SKA2: variants seen among roughly 807,000 people sequenced by gnomAD.
SKA2 encodes the protein spindle and kinetochore-associated protein 2.
A neutral mutation model predicts 16.9 loss-of-function variants in SKA2; 13 were observed. The observed-to-expected ratio is 0.77, with a 90% CI of 0.50 to 1.22. The LOEUF is 1.22. Among genes scored for constraint, SKA2 ranks in the 50% most tolerant of loss-of-function variants. The pLI, the probability that SKA2 is intolerant of heterozygous loss-of-function variation, is 0.00. For missense variants in SKA2, 107 were observed against 139.7 expected, an observed-to-expected ratio of 0.77 and a Z score of 1.18; for synonymous variants, 47 against 48.5, an observed-to-expected ratio of 0.97 and a Z score of 0.13.
At chr17:59,147,709 C>A (rs902322330) in intron 1 of SKA2, among the ~76,000 whole-genome samples, 2 of 150,792 alleles carry the variant, frequency 1.3e-5, no homozygotes, top group Admixed American at 1.3e-4. Flanking sequence ...AGTGATCCTC[C>A]TGCCTCAGCC....
intron 1 of SKA2, 108 bp from the exon 2 acceptor site, chr17:59,131,475 C>G (rs1347957076): frequency 1.7e-6 from 1 of 578,218 alleles, no homozygotes; most frequent in African/African-American, 1.9e-5. Context: ...ATAAGTGATA[C>G]ATACTCATTT....
intron 2 of SKA2, among the ~76,000 whole-genome samples, chr17:59,123,560 A>G (rs76373342): frequency 7.1e-6 from 1 of 139,930 alleles, no homozygotes; most frequent in African/African-American, 2.6e-5. Context: ...CTGTCTCAGG[A>G]AAAAAAAAAA....
intron 1 of SKA2, among the ~76,000 whole-genome samples, chr17:59,145,366 T>C (rs559748869): frequency 6.6e-6 from 1 of 152,272 alleles, no homozygotes; most frequent in Non-Finnish European, 1.5e-5. Flanking sequence ...CCTTGCAGTT[T>C]CCCCCAGTTG....
At chr17:59,115,859 A>C (rs1460758010) in intron 3 of SKA2, among the ~76,000 whole-genome samples, 1 of 152,220 alleles carries the variant, frequency 6.6e-6, no homozygotes, top group Non-Finnish European at 1.5e-5. Context: ...AATTAAAGTC[A>C]AGTTAACCAG....
intron 1 of SKA2, chr17:59,137,788 C>T (rs377123764): frequency 7.5e-6 from 4 of 531,104 alleles, no homozygotes; most frequent in Non-Finnish European, 1.5e-5. Flanking sequence ...AACACCAAAA[C>T]CCTATAAGCA....
rs762243020 is a variant in SKA2, at chr17:59,119,386, C to T, written c.230G>A (p.Arg77His). 12 of 1,613,988 alleles carry T rather than the reference C, an allele frequency of 7.4e-6. No individual in the cohort carries two copies. Among genetic ancestry groups the T allele is most frequent in the African/African-American group, 1.3e-5 (1 of 75,054 alleles). ...AGTCTTTTTCACAGTAGCACAAATGCGGCTCTTACTCTCTTTCTGCTCAAC... is the reference window on the plus strand; with the variant it reads ...AGTCTTTTTCACAGTAGCACAAATGTGGCTCTTACTCTCTTTCTGCTCAAC... ...VAVEQKESKS[R>H]ICATVKKTMN... Residue 77 changes from arginine to histidine, a missense_variant, in exon 3 of 4, where the codon CGC becomes CAC. By Grantham distance (29) the Arg-to-His change is conservative. Transcript: ENST00000330137.
At position 59,123,434 on chromosome 17, in the gene SKA2, G is replaced by A. The variant is rs182625739; in HGVS notation, c.121-3939C>T. Among the ~76,000 whole-genome samples, 32 of 151,772 alleles carry A rather than the reference G, an allele frequency of 2.1e-4. No individual in the cohort carries two copies. In the East Asian group the frequency reaches 5.1e-3, roughly 24 times the overall value. ...TAGCTGGGCAGGGTGGCATGTGCCT[G>A]TAATCCCAGCTACTCAGGAGGCTGA... On this transcript the variant is annotated intron_variant, in intron 2 of 3. Transcript: ENST00000330137.
intron 1 of SKA2, among the ~76,000 whole-genome samples, chr17:59,153,324 G>GT (rs963606173): frequency 6.6e-6 from 1 of 151,744 alleles, no homozygotes; most frequent in Non-Finnish European, 1.5e-5. Context: ...TTAACATTTT[G>GT]TTTTTTTTAA....
At chr17:59,128,411 C>T (rs894569538) in intron 2 of SKA2, among the ~76,000 whole-genome samples, 1 of 150,698 alleles carries the variant, frequency 6.6e-6, no homozygotes. Flanking sequence ...GATCACCTGA[C>T]GTCAGGAGTT....
At position 59,121,381 on chromosome 17, in the gene SKA2, G is replaced by A. The variant is rs139223433; in HGVS notation, c.121-1886C>T. 9.2e-5 allele frequency among the ~76,000 whole-genome samples: 14 copies of A among 152,214 alleles called. No homozygotes were observed. The East Asian group carries it at 1.5e-3, about 17-fold the overall frequency. The stretch of plus-strand genomic sequence containing the variant: ...TAAAGAAATCCCAGAAATGCCGGGC[G>A]CAGTGGCTCATGACTGTAATCTCAA... On this transcript the variant is annotated intron_variant, in intron 2 of 3. Transcript: ENST00000330137.
At chr17:59,154,735 G>A (rs528256827) in intron 1 of SKA2, among the ~76,000 whole-genome samples, 1 of 151,858 alleles carries the variant, frequency 6.6e-6, no homozygotes, top group Non-Finnish European at 1.5e-5. Context: ...CCCACCCTCC[G>A]TTCCCCTTTC....
At chr17:59,126,844 C>A (rs988988085) in intron 2 of SKA2, among the ~76,000 whole-genome samples, 3 of 152,036 alleles carry the variant, frequency 2.0e-5, no homozygotes, top group Admixed American at 6.6e-5. Context: ...TTCACAGTAG[C>A]CAAAAGGTGA....
intron 3 of SKA2, chr17:59,118,396 C>T (rs1599658630): frequency 6.6e-6 from 1 of 152,224 alleles, no homozygotes; most frequent in Non-Finnish European, 1.5e-5. Context: ...CCATTTTTCC[C>T]TTTGCCCTCT....
intron 2 of SKA2, among the ~76,000 whole-genome samples, chr17:59,124,852 T>A (rs937260174): frequency 2.0e-5 from 3 of 152,204 alleles, no homozygotes; most frequent in African/African-American, 7.2e-5. Context: ...TGATTTGCAT[T>A]TATGGCCTGT....
intron 1 of SKA2, among the ~76,000 whole-genome samples, chr17:59,150,493 C>CT (rs1163693824): frequency 6.6e-6 from 1 of 152,116 alleles, no homozygotes; most frequent in Non-Finnish European, 1.5e-5. Flanking sequence ...TCCCAGCACT[C>CT]TGGGAGGCCA....
chr17:59,154,156 A>C, intron 1 of SKA2, among the ~76,000 whole-genome samples: 1 of 150,052 alleles, frequency 6.7e-6, no homozygotes, highest in Non-Finnish European at 1.5e-5. Context: ...TTTTTAAGGA[A>C]AGCAGCCCAA....
At chr17:59,145,509 C>A (rs1362461213) in intron 1 of SKA2, among the ~76,000 whole-genome samples, 1 of 152,074 alleles carries the variant, frequency 6.6e-6, no homozygotes, top group Non-Finnish European at 1.5e-5. Flanking sequence ...AAGAAGAAAT[C>A]TTTCCCAGGT....
intron 2 of SKA2, among the ~76,000 whole-genome samples, chr17:59,127,791 A>G (rs748804766): frequency 1.7e-4 from 26 of 152,208 alleles, no homozygotes; most frequent in Non-Finnish European, 3.7e-4. Flanking sequence ...TATGGCCAGC[A>G]ATTCTACTCC....
intron 2 of SKA2, among the ~76,000 whole-genome samples, chr17:59,123,330 G>A (rs1026894643): frequency 2.7e-5 from 4 of 150,828 alleles, no homozygotes; most frequent in Non-Finnish European, 5.9e-5. Flanking sequence ...AAGCTGAAGC[G>A]GGTGGATCAT....
Sources: allele counts gnomAD v4.1 joint callset (sites outside exome capture counted in the v4.1 genomes callset), GRCh38; gene constraint gnomAD v4.1.1; transcripts MANE v1.5; gene names NCBI Gene and HGNC (gene_info 2026-07-23, HGNC 2026-07-21).